Variants in C3 observed in about 807,000 individuals in gnomAD.
The protein encoded by C3 is complement C3.
Under a neutral mutation model 207.9 loss-of-function variants are expected in C3, and 97 were observed. That is an observed-to-expected ratio of 0.47 (90% CI 0.40 to 0.55). C3 has a LOEUF of 0.55. Ranked by LOEUF, C3 falls within the 20% of genes least tolerant of loss-of-function variation. C3 has a pLI of 0.00. For missense variants in C3, 1,684 were observed against 2,171.7 expected, an observed-to-expected ratio of 0.78 and a Z score of 4.46; for synonymous variants, 848 against 857.6, an observed-to-expected ratio of 0.99 and a Z score of 0.20.
chr19:6,682,468 C>A (rs1773729531), intron 33 of C3: 1 of 507,172 alleles, frequency 2.0e-6, no homozygotes, highest in Non-Finnish European at 3.6e-6. Context: ...CAAATTCCAG[C>A]TCTAAATAAC....
chr19:6,681,043 TAA>T (rs1917845589), intron 35 of C3, among the ~76,000 whole-genome samples: 1 of 151,696 alleles, frequency 6.6e-6, no homozygotes, highest in Non-Finnish European at 1.5e-5. Flanking sequence ...CTACAAAAAA[TAA>T]AACAATCAGC....
chr19:6,689,644 G>A (rs1286820124), intron 27 of C3, among the ~76,000 whole-genome samples: 3 of 152,004 alleles, frequency 2.0e-5, no homozygotes, highest in Non-Finnish European at 4.4e-5. Context: ...TCAGGAGTTC[G>A]AAACCAGCCT....
chr19:6,695,922 T>A lies in C3; in HGVS notation c.2950+457A>T, dbSNP rs557214346. 3.9e-5 allele frequency among the ~76,000 whole-genome samples: 6 copies of A among 152,204 alleles called. No homozygotes were observed. The South Asian group carries it at 1.2e-3, about 32-fold the overall frequency. On this transcript the variant is annotated intron_variant, in intron 23 of 40. Coordinates refer to ENST00000245907, the MANE Select transcript of C3 (RefSeq NM_000064.4). ...AATAATATCTGTATGGTTAAAAAAA[T>A]TTTTAGGCCGGGCATAATGGCTCAT... is the stretch of plus-strand genomic sequence containing the variant.
chr19:6,703,413 C>T (rs537855949), intron 17 of C3, among the ~76,000 whole-genome samples: 1 of 152,184 alleles, frequency 6.6e-6, no homozygotes, highest in Non-Finnish European at 1.5e-5. Context: ...TTCGAGACAG[C>T]CTGGCCAATG....
intron 27 of C3, among the ~76,000 whole-genome samples, chr19:6,687,360 A>G (rs1006182996): frequency 2.6e-5 from 4 of 152,132 alleles, no homozygotes; most frequent in Non-Finnish European, 5.9e-5. Flanking sequence ...CATCATCATC[A>G]TCGTCATCAT....
At chr19:6,698,648 G>T (rs1967590314) in intron 19 of C3, among the ~76,000 whole-genome samples, 1 of 152,020 alleles carries the variant, frequency 6.6e-6, no homozygotes, top group Admixed American at 6.6e-5. Context: ...GTTCAAGGCT[G>T]CAGTGAGCTA....
At chr19:6,700,111 T>C (rs1435641648) in intron 19 of C3, among the ~76,000 whole-genome samples, 3 of 145,474 alleles carry the variant, frequency 2.1e-5, no homozygotes, top group African/African-American at 7.5e-5. Context: ...TAATGAATTA[T>C]GGTTTATTAT....
intron 18 of C3, 23 bp downstream of exon 18, chr19:6,702,448 T>C (rs776114549): frequency 6.7e-7 from 1 of 1,486,116 alleles, no homozygotes; most frequent in Non-Finnish European, 9.4e-7. Flanking sequence ...GGGTGGGTTG[T>C]ACCGGGGGTA....
At chr19:6,690,793 CT>C in intron 26 of C3, 66 bp from the exon 27 acceptor site, 5 of 1,262,972 alleles carry the variant, frequency 4.0e-6, no homozygotes, top group Admixed American at 1.8e-5. Flanking sequence ...GTCATCCCCC[CT>C]TGCAGATTCA....
chr19:6,707,935 G>A lies in C3; in HGVS notation c.1846-6C>T. 6.2e-7 allele frequency: 1 copy of A among 1,613,624 alleles called. No homozygotes were observed. Among genetic ancestry groups the A allele is most frequent in the Non-Finnish European group, 8.5e-7 (1 of 1,179,970 alleles). On this transcript the variant is annotated splice_region_variant and splice_polypyrimidine_tract_variant and intron_variant, in intron 14 of 40. Transcript: ENST00000245907. Reference sequence around the variant, plus strand: ...TTCTCCACCACGTCCCAGATCTGCGGGGGGCATAGGGGTGGCGGGACGCAG... The same window carrying A: ...TTCTCCACCACGTCCCAGATCTGCGAGGGGCATAGGGGTGGCGGGACGCAG...
chr19:6,717,940 G>A (rs1968076620), intron 4 of C3, 154 bp downstream of exon 4: 2 of 769,598 alleles, frequency 2.6e-6, no homozygotes, highest in South Asian at 2.8e-5. Flanking sequence ...TGCTGTATGT[G>A]TGTGTGTTGT....
intron 11 of C3, among the ~76,000 whole-genome samples, chr19:6,711,816 C>T (rs1416215378): frequency 2.6e-5 from 4 of 152,216 alleles, no homozygotes; most frequent in African/African-American, 9.7e-5. Flanking sequence ...GACCACCTCA[C>T]AACAATGGGC....
rs983059837 is a variant in C3, at chr19:6,719,073, G to T, written c.267+138C>A. 17 of 772,364 alleles carry T rather than the reference G, an allele frequency of 2.2e-5. No homozygotes were observed. Among genetic ancestry groups the T allele is most frequent in the Admixed American group, 9.7e-5 (5 of 51,638 alleles). 47.8% of individuals were successfully genotyped at this position (772,364 alleles called of 1,614,324 possible). A position where few individuals can be genotyped will look rare whatever the true frequency, so the allele number is the denominator to read the frequency against. ...GAGAAGGGAGGGGCTTAGAAGGAGA[G>T]GCGACTCCGAAGGGGTGGAGTCTCA... On this transcript the variant is annotated intron_variant, in intron 2 of 40. Coordinates refer to ENST00000245907, the MANE Select transcript of C3 (RefSeq NM_000064.4). This position sits in a 1 kb window ranked among gnomAD's most constrained non-coding sequence, Gnocchi z 5.4.
chr19:6,683,673 G>A (rs1346867545), intron 33 of C3, among the ~76,000 whole-genome samples: 3 of 151,914 alleles, frequency 2.0e-5, no homozygotes, highest in Admixed American at 1.3e-4. Flanking sequence ...GGATGGTCTC[G>A]ATCTCCTGAC....
At chr19:6,707,383 C>T in intron 16 of C3, 83 bp downstream of exon 16, 2 of 1,597,702 alleles carry the variant, frequency 1.3e-6, no homozygotes, top group Non-Finnish European at 8.6e-7. Context: ...GCCTCCCCTC[C>T]TCCCTCTCTG....
chr19:6,686,969 G>C, intron 27 of C3, 67 bp from the exon 28 acceptor site: 1 of 1,491,818 alleles, frequency 6.7e-7, no homozygotes, highest in Non-Finnish European at 9.3e-7. Flanking sequence ...AGGATCATTC[G>C]AGCAGCACTT....
Position 6,684,424 on chromosome 19 carries a change from T to A in C3, c.4136A>T (p.Asp1379Val), listed in dbSNP as rs1195092732. The A allele has an allele frequency of 6.2e-7, 1 of 1,613,932 alleles. No homozygotes were observed. The highest frequency in any genetic ancestry group is 8.5e-7 in the Non-Finnish European group (1 of 1,179,766). ...CTCAAGGATCATAGTGTTCTTGGCATCCTGAGGCCTCTTTTCTAGAAACAC... is the reference window on the plus strand; with the variant it reads ...CTCAAGGATCATAGTGTTCTTGGCAACCTGAGGCCTCTTTTCTAGAAACAC... The part of the protein sequence containing the change: ...PAPETEKRPQ[D>V]AKNTMILEIC... The change falls in exon 33 of 41, where the codon GAT (aspartate) becomes GTT (valine). Residue 1379 changes from aspartate (D) to valine (V), a missense_variant. Physicochemically the swap from Asp to Val is radical, Grantham distance 152. Transcript: ENST00000245907.
Position 6,680,352 on chromosome 19 carries a change from GA to G in C3, c.4351-90del. 3 of 774,476 alleles carry G rather than the reference GA, an allele frequency of 3.9e-6. No individual in the cohort carries two copies. The South Asian group carries it at 4.1e-5, about 11-fold the overall frequency. The allele number at this position is 774,476 out of a possible 1,614,324, so 48.0% of individuals were successfully genotyped here. On this transcript the variant is annotated intron_variant, in intron 35 of 40. Coordinates refer to ENST00000245907, the MANE Select transcript of C3 (RefSeq NM_000064.4). ...GAGCTGAGGCAGTGGTGGAGAAACT[GA>G]AGGATCAAGGAGGAAGTGGCAAAGA...
intron 4 of C3, chr19:6,717,806 G>T: frequency 3.6e-6 from 2 of 558,272 alleles, no homozygotes; most frequent in African/African-American, 1.9e-5. Context: ...TGTGTGTGTT[G>T]TGTGGTCGTG....
Sources: allele counts gnomAD v4.1 joint callset (sites outside exome capture counted in the v4.1 genomes callset), GRCh38; gene constraint gnomAD v4.1.1; non-coding constraint Gnocchi (gnomAD v3.1); transcripts MANE v1.5; gene names NCBI Gene and HGNC (gene_info 2026-07-23, HGNC 2026-07-21).